The following SLC5A6 variants were observed in gnomAD, a reference collection of about 807,000 sequenced individuals.
The protein encoded by SLC5A6 is solute carrier family 5 member 6.
In SLC5A6, 31 loss-of-function variants were observed where a neutral mutation model predicts 67.9. The ratio of observed to expected loss-of-function variants is 0.46; its 90% CI spans 0.34 to 0.62. SLC5A6 has a LOEUF of 0.62. Ranked by LOEUF, SLC5A6 falls within the 20% of genes least tolerant of loss-of-function variation. The pLI, the probability that SLC5A6 is intolerant of heterozygous loss-of-function variation, is 0.01. For synonymous variants in SLC5A6, 343 were observed against 331.0 expected, an observed-to-expected ratio of 1.04 and a Z score of -0.39; for missense variants, 673 against 812.8, an observed-to-expected ratio of 0.83 and a Z score of 2.09.
In SLC5A6 at chr2:27,200,999, T is replaced by C. The variant is rs1044422843; in HGVS notation, c.1763A>G (p.Gln588Arg). ...QKRLHCRSYG[Q>R]DHLDTGLFPE... ...GGTCACTTGGACAGCAGGTACTACC[T>C]GGCCGTAGCTCCTGCAGTGGAGCCG... Residue 588 changes from glutamine to arginine, a missense_variant and splice_region_variant, in exon 16 of 17, where the codon CAG becomes CGG. Transcript: ENST00000310574. 2.5e-6 allele frequency: 4 copies of C among 1,597,860 alleles called. No homozygotes were observed. The highest frequency in any genetic ancestry group is 2.6e-6 in the Non-Finnish European group (3 of 1,166,498).
Position 27,202,867 on chromosome 2 carries a change from C to T in SLC5A6, c.1221G>A (p.Gly407=), listed in dbSNP as rs1673759511. 6.2e-7 allele frequency: 1 copy of T among 1,613,944 alleles called. No homozygotes were observed. Among genetic ancestry groups the T allele is most frequent in the Non-Finnish European group, 8.5e-7 (1 of 1,179,952 alleles). The change falls in exon 12 of 17, where the codon GGG becomes GGA. Residue 407 remains glycine (G), a synonymous_variant. Coordinates refer to ENST00000310574, the MANE Select transcript of SLC5A6 (RefSeq NM_021095.4). The part of the protein sequence containing the change: ...MLSRGLAFGY[G]LLCLGMAYIS... ...TATAGGCCATTCCTAGACAAAGCAG[C>T]CCATAGCCAAAGGCTGGGGGAAAAG...
At chr2:27,212,465 G>T (rs866330510), upstream of SLC5A6, 1 of 1,563,270 alleles carries the variant, frequency 6.4e-7, no homozygotes, top group Admixed American at 1.9e-5. Context: ...GGCGCTACCC[G>T]AGGTACAGAA....
chr2:27,202,989 A>G, intron 11 of SLC5A6, 109 bp from the exon 12 acceptor site: 10 of 1,556,540 alleles, frequency 6.4e-6, no homozygotes, highest in Non-Finnish European at 6.9e-6. Context: ...CTCTCTGGAA[A>G]CAAAAGGCAT....
intron 16 of SLC5A6, 137 bp downstream of exon 16, chr2:27,200,861 T>C: frequency 1.5e-6 from 1 of 645,170 alleles, no homozygotes; most frequent in South Asian, 1.9e-5. Context: ...GACAGCCGTG[T>C]GGGACAGCCT....
intron 9 of SLC5A6, 76 bp from the exon 10 acceptor site, chr2:27,203,943 T>C: frequency 9.4e-7 from 1 of 1,059,202 alleles, no homozygotes; most frequent in Non-Finnish European, 1.4e-6. Context: ...GGAAGCTCCC[T>C]TTACATGTGC....
chr2:27,200,223 A>G lies in SLC5A6; in HGVS notation c.*213T>C. 4.2e-6 allele frequency: 2 copies of G among 477,964 alleles called. No individual in the cohort carries two copies. Among genetic ancestry groups the G allele is most frequent in the South Asian group, 8.9e-5 (2 of 22,370 alleles). 29.6% of individuals were successfully genotyped at this position (477,964 alleles called of 1,614,324 possible). On this transcript the variant is annotated 3_prime_UTR_variant, in exon 17 of 17. Transcript: ENST00000310574. The stretch of plus-strand genomic sequence containing the variant: ...ACGAGCCTGATCCTTTAAAAAACAG[A>G]TTGGCAAGCGACGAGAAAAACGGTG...
In SLC5A6 at chr2:27,212,255, A is replaced by G. The variant is rs780860853; in HGVS notation, c.-443T>C. The G allele has an allele frequency of 1.9e-6, 3 of 1,559,816 alleles. No individual in the cohort carries two copies. In the African/African-American group the frequency reaches 4.1e-5, roughly 21 times the overall value. On this transcript the variant is annotated 5_prime_UTR_variant, in exon 1 of 17. Transcript: ENST00000310574. ...GCAGGAAAAGCCCCCAAGCAGCCCC[A>G]GGGCGACTGGACCGGGCCGCTTAGG...
In SLC5A6 at chr2:27,201,044, A is replaced by T. The variant is rs1226942035; in HGVS notation, c.1718T>A (p.Leu573His). ...GAGCCGCTTCTGACAGGACAACGGA[A>T]GGAGGGACAGGAGCTTTGGCAACAC... Reference protein sequence around the residue: ...YPVLPKLLSLLPLSCQKRLHC... With the variant: ...YPVLPKLLSLHPLSCQKRLHC... The change falls in exon 16 of 17, where the codon CTT (leucine) becomes CAT (histidine). Residue 573 changes from leucine (L) to histidine (H), a missense_variant. Transcript: ENST00000310574. The T allele has an allele frequency of 3.1e-6, 5 of 1,613,796 alleles. No individual in the cohort carries two copies. In the East Asian group the frequency reaches 8.9e-5, roughly 29 times the overall value.
At position 27,206,142 on chromosome 2, in the gene SLC5A6, G is replaced by A. The variant is rs2148010065; in HGVS notation, c.512-49C>T. On this transcript the variant is annotated intron_variant, in intron 5 of 16. Coordinates refer to ENST00000310574, the MANE Select transcript of SLC5A6 (RefSeq NM_021095.4). ...TTATCCCTGGAAAAGGGTTCCCCAG[G>A]GGAGAAGCCCTGGTAGGGCAATCAC... 1.3e-6 allele frequency: 2 copies of A among 1,552,196 alleles called. 1 individual carries two copies. The highest frequency in any genetic ancestry group is 3.3e-5 in the Admixed American group (2 of 59,758).
upstream of SLC5A6, chr2:27,212,425 G>A: frequency 6.4e-7 from 1 of 1,556,900 alleles, no homozygotes; most frequent in South Asian, 1.2e-5. Flanking sequence ...CTGCCGCCCT[G>A]CTCCTCGCTC....
chr2:27,204,393 T>C, intron 9 of SLC5A6, 68 bp downstream of exon 9: 7 of 1,521,518 alleles, frequency 4.6e-6, no homozygotes, highest in South Asian at 3.8e-5. Context: ...AGTCAGTCCT[T>C]TCCTACCTAG....
intron 16 of SLC5A6, 91 bp downstream of exon 16, chr2:27,200,906 AG>A (rs1019432962): frequency 3.7e-6 from 3 of 807,626 alleles, no homozygotes; most frequent in African/African-American, 3.4e-5. Flanking sequence ...CACCCGGGGC[AG>A]GGGGAGAGAA....
In SLC5A6 at chr2:27,199,919, T is replaced by C. The variant is rs1472800110; in HGVS notation, c.*517A>G. On this transcript the variant is annotated 3_prime_UTR_variant, in exon 17 of 17. Coordinates refer to ENST00000310574, the MANE Select transcript of SLC5A6 (RefSeq NM_021095.4). ...CCTCTTCAGAATGGAGGTAGACAGA[T>C]AAAAATGAGAGGGGCTTGAGTGTCA... 6.5e-6 allele frequency: 1 copy of C among 153,152 alleles called. No homozygotes were observed. Among genetic ancestry groups the C allele is most frequent in the Non-Finnish European group, 1.5e-5 (1 of 68,380 alleles). 9.5% of individuals were successfully genotyped at this position (153,152 alleles called of 1,614,324 possible). A position where few individuals can be genotyped will look rare whatever the true frequency, so the allele number is the denominator to read the frequency against.
chr2:27,200,246 G>A lies in SLC5A6; in HGVS notation c.*190C>T, dbSNP rs1360490384. On this transcript the variant is annotated 3_prime_UTR_variant, in exon 17 of 17. Coordinates refer to ENST00000310574, the MANE Select transcript of SLC5A6 (RefSeq NM_021095.4). ...AGATTGGCAAGCGACGAGAAAAACG[G>A]TGCCTCACATGCTTGAGATGTGACA... 2 of 499,764 alleles carry A rather than the reference G, an allele frequency of 4.0e-6. No individual in the cohort carries two copies. The highest frequency in any genetic ancestry group is 6.9e-6 in the Non-Finnish European group (2 of 289,714). The allele number at this position is 499,764 out of a possible 1,614,324, so 31.0% of individuals were successfully genotyped here.
In SLC5A6 at chr2:27,202,843, A is replaced by T; in HGVS notation, c.1245T>A (p.Tyr415Ter). 1 of 1,614,118 alleles carries T rather than the reference A, an allele frequency of 6.2e-7. No individual in the cohort carries two copies. Among genetic ancestry groups the T allele is most frequent in the Non-Finnish European group, 8.5e-7 (1 of 1,179,992 alleles). Reference protein sequence around the residue: ...GYGLLCLGMAYISSQMGPVLQ... With the variant: ...GYGLLCLGMA Reference sequence around the variant, plus strand: ...GCACAGGTCCCATCTGGGAGGAAATATAGGCCATTCCTAGACAAAGCAGCC... The same window carrying T: ...GCACAGGTCCCATCTGGGAGGAAATTTAGGCCATTCCTAGACAAAGCAGCC... Residue 415 changes from tyrosine to a stop codon, truncating the protein, a stop_gained, in exon 12 of 17, where the codon TAT becomes TAA. Coordinates refer to ENST00000310574, the MANE Select transcript of SLC5A6 (RefSeq NM_021095.4). LOFTEE classifies it high-confidence loss of function.
At chr2:27,210,525 G>T (rs1207847303) in intron 2 of SLC5A6, among the ~76,000 whole-genome samples, 5 of 151,738 alleles carry the variant, frequency 3.3e-5, no homozygotes, top group African/African-American at 1.2e-4. Context: ...CCACCTCCTG[G>T]GTTCAAGTGA....
chr2:27,204,516 G>A lies in SLC5A6; in HGVS notation c.950C>T (p.Ala317Val), dbSNP rs199587675. The change falls in exon 9 of 17, where the codon GCG becomes GTG. Residue 317 changes from alanine (A) to valine (V), a missense_variant. Coordinates refer to ENST00000310574, the MANE Select transcript of SLC5A6 (RefSeq NM_021095.4). ...VGCLIGLVMFAYYQEYPMSIQ... is the reference protein window; with the variant it reads ...VGCLIGLVMFVYYQEYPMSIQ... Reference sequence around the variant, plus strand: ...GCTCATGGGATACTCCTGGTAATACGCGAACATGACCAGGCCAATGAGGCA... The same window carrying A: ...GCTCATGGGATACTCCTGGTAATACACGAACATGACCAGGCCAATGAGGCA... 61 of 1,613,888 alleles carry A rather than the reference G, an allele frequency of 3.8e-5. No individual in the cohort carries two copies. The highest frequency in any genetic ancestry group is 6.7e-5 in the Admixed American group (4 of 59,992).
chr2:27,212,557 G>A (rs1052301070), upstream of SLC5A6: 7 of 1,491,722 alleles, frequency 4.7e-6, no homozygotes, highest in African/African-American at 4.3e-5. Flanking sequence ...CTCCTCGGCG[G>A]GCCTGCGGTT....
Position 27,202,503 on chromosome 2 carries a change from CAAAA to C in SLC5A6, c.1275+306_1275+309del, listed in dbSNP as rs10638396. On this transcript the variant is annotated intron_variant, in intron 12 of 16. Transcript: ENST00000310574. ...TGAGCAACAGAATGAGACTCTGTCTCAAAAAAAAAAAAAAAAAAAAAAGAACTCC... is the reference window on the plus strand; with the variant it reads ...TGAGCAACAGAATGAGACTCTGTCTCAAAAAAAAAAAAAAAAAAGAACTCC... Among the ~76,000 whole-genome samples, 5 of 72,284 alleles carry C rather than the reference CAAAA, an allele frequency of 6.9e-5. No homozygotes were observed. In the East Asian group the frequency reaches 1.6e-3, roughly 24 times the overall value. 47.4% of individuals were successfully genotyped at this position (72,284 alleles called of 152,430 possible).
Sources: gnomAD v4.1 joint callset for allele counts (sites outside exome capture counted in the v4.1 genomes callset) on GRCh38, gnomAD v4.1.1 for gene constraint, MANE v1.5 for transcripts, NCBI Gene and HGNC (gene_info 2026-07-23, HGNC 2026-07-21) for gene names.